The following ZBTB7B variants were observed in gnomAD, a reference collection of about 807,000 sequenced individuals.
ZBTB7B encodes the protein zinc finger and BTB domain-containing protein 7B.
Under a neutral mutation model 31.0 loss-of-function variants are expected in ZBTB7B, and 8 were observed. The ratio of observed to expected loss-of-function variants is 0.26; its 90% CI spans 0.15 to 0.47. The LOEUF is 0.47. ZBTB7B is among the 20% of genes least tolerant of loss of function. ZBTB7B has a pLI of 0.99. For synonymous variants in ZBTB7B, 261 were observed against 307.3 expected, an observed-to-expected ratio of 0.85 and a Z score of 1.58; for missense variants, 494 against 742.4, an observed-to-expected ratio of 0.67 and a Z score of 3.89.
In ZBTB7B at chr1:155,016,786, G is replaced by A. The variant is rs1434700432; in HGVS notation, c.*101G>A. 4.4e-6 allele frequency: 3 copies of A among 684,994 alleles called. No individual in the cohort carries two copies. The African/African-American group carries it at 5.4e-5, about 12-fold the overall frequency. The allele number at this position is 684,994 out of a possible 1,614,324, so 42.4% of individuals were successfully genotyped here. A position where few individuals can be genotyped will look rare whatever the true frequency, so the allele number is the denominator to read the frequency against. On this transcript the variant is annotated 3_prime_UTR_variant, in exon 3 of 3. Coordinates refer to ENST00000535420, the MANE Select transcript of ZBTB7B (RefSeq NM_001256455.2). This position sits in a 1 kb window ranked among gnomAD's most constrained non-coding sequence, Gnocchi z 4.3. ...ACACAGCAGGGGTCTGGGGCACGGA[G>A]CCTTGCTGGCATCAGCATCAGCCCT... is the stretch of plus-strand genomic sequence containing the variant.
In ZBTB7B at chr1:155,017,363, G is replaced by GGCAGTAGAGGGA. The variant is rs879893904; in HGVS notation, c.*678_*679insGCAGTAGAGGGA. On this transcript the variant is annotated 3_prime_UTR_variant, in exon 3 of 3. Transcript: ENST00000535420. ...GCCTGCCCCTGGGGGCAGTAGAGGG[G>GGCAGTAGAGGGA]CCCCGCCCAGCTAGGGGAGCCGCTC... The GGCAGTAGAGGGA allele has an allele frequency of 6.6e-6, 1 of 152,440 alleles. No individual in the cohort carries two copies. The highest frequency in any genetic ancestry group is 2.1e-4 in the South Asian group (1 of 4,840). 9.4% of individuals were successfully genotyped at this position (152,440 alleles called of 1,614,324 possible). A position where few individuals can be genotyped will look rare whatever the true frequency, so the allele number is the denominator to read the frequency against.
At position 155,003,368 on chromosome 1, in the gene ZBTB7B, ACCCCGCGC is replaced by A; in HGVS notation, c.-7+430_-7+437del. ...CTAGGACAACGCGCACCCCCCCCCC[ACCCCGCGC>A]CCCCTGGCGCGGTGGATTGGCCCCA... is the stretch of plus-strand genomic sequence containing the variant. On this transcript the variant is annotated intron_variant, in intron 1 of 2. Coordinates refer to ENST00000535420, the MANE Select transcript of ZBTB7B (RefSeq NM_001256455.2). This position sits in a 1 kb window ranked among gnomAD's most constrained non-coding sequence, Gnocchi z 5.8. Among the ~76,000 whole-genome samples the A allele has an allele frequency of 7.1e-6, 1 of 141,758 alleles. No homozygotes were observed. Among genetic ancestry groups the A allele is most frequent in the East Asian group, 2.2e-4 (1 of 4,606 alleles). The allele number at this position is 141,758 out of a possible 152,430, so 93.0% of individuals were successfully genotyped here. A position where few individuals can be genotyped will look rare whatever the true frequency, so the allele number is the denominator to read the frequency against.
chr1:155,013,689 T>G (rs1571523862), intron 1 of ZBTB7B, among the ~76,000 whole-genome samples: 4 of 77,470 alleles, frequency 5.2e-5, no homozygotes, highest in Admixed American at 1.1e-4. Context: ...GAGGGAGGGG[T>G]GGCAGTAGCT....
rs2102269944 is a variant in ZBTB7B at position 155,004,470 on chromosome 1, G to A, written c.-7+1527G>A. 6.6e-6 allele frequency among the ~76,000 whole-genome samples: 1 copy of A among 152,148 alleles called. No individual in the cohort carries two copies. The highest frequency in any genetic ancestry group is 2.1e-4 in the South Asian group (1 of 4,824). On this transcript the variant is annotated intron_variant, in intron 1 of 2. Coordinates refer to ENST00000535420, the MANE Select transcript of ZBTB7B (RefSeq NM_001256455.2). The surrounding 1 kb of genome is among the most constrained non-coding windows in gnomAD (Gnocchi z 4.0). ...GGGGATGAGGCCTGGAGGATTATGG[G>A]GTTGCCTCCTGCTGCCCCACACACA...
upstream of ZBTB7B, among the ~76,000 whole-genome samples, chr1:155,001,890 G>A (rs1228826739): frequency 6.6e-6 from 1 of 151,832 alleles, no homozygotes; most frequent in Non-Finnish European, 1.5e-5. The surrounding 1 kb of genome is among the most constrained non-coding windows in gnomAD (Gnocchi z 4.8). Context: ...CCGAAGGCCT[G>A]GTGGCTCCCC....
Position 155,005,823 on chromosome 1 carries a change from G to A in ZBTB7B, c.-7+2880G>A, listed in dbSNP as rs912328055. The stretch of plus-strand genomic sequence containing the variant: ...CGTGAGTAAACTTGACGTTTTGCCC[G>A]GACAGTTTGAAGTTGCCTCGCTGCC... On this transcript the variant is annotated intron_variant, in intron 1 of 2. Transcript: ENST00000535420. 5.3e-5 allele frequency among the ~76,000 whole-genome samples: 8 copies of A among 152,172 alleles called. No individual in the cohort carries two copies. The East Asian group carries it at 5.8e-4, about 11-fold the overall frequency.
rs531296563 is a variant in ZBTB7B at position 155,015,550 on chromosome 1, C to T, written c.890C>T (p.Pro297Leu). 1.5e-5 allele frequency: 25 copies of T among 1,613,838 alleles called. 1 individual carries two copies. The African/African-American group carries it at 1.7e-4, about 11-fold the overall frequency. The change falls in exon 2 of 3, where the codon CCG (proline) becomes CTG (leucine). Residue 297 changes from proline (P) to leucine (L), a missense_variant. Pro to Leu is a moderately conservative substitution (Grantham distance 98). Transcript: ENST00000535420. Reference sequence around the variant, plus strand: ...GGGCTGGCGCAGGGTGGCGGGCCCCCGCTGTCCCCAGAGGAGCTGGGCTCA... The same window carrying T: ...GGGCTGGCGCAGGGTGGCGGGCCCCTGCTGTCCCCAGAGGAGCTGGGCTCA... ...AYGLAQGGGP[P>L]LSPEELGSDE...
At chr1:155,008,740 C>T (rs766246355) in intron 1 of ZBTB7B, among the ~76,000 whole-genome samples, 1 of 152,162 alleles carries the variant, frequency 6.6e-6, no homozygotes, top group Non-Finnish European at 1.5e-5. Flanking sequence ...GACTCTGGGC[C>T]CTCTCCCACG....
intron 1 of ZBTB7B, among the ~76,000 whole-genome samples, chr1:155,008,826 G>T (rs994020683): frequency 6.6e-6 from 1 of 152,050 alleles, no homozygotes; most frequent in Non-Finnish European, 1.5e-5. Context: ...AGGCTGTAGG[G>T]GGGAGGGGCT....
rs1270663032 is a variant in ZBTB7B, at chr1:155,003,156, C to T, written c.-7+213C>T. Among the ~76,000 whole-genome samples, 1 of 152,204 alleles carries T rather than the reference C, an allele frequency of 6.6e-6. No individual in the cohort carries two copies. The highest frequency in any genetic ancestry group is 1.9e-4 in the East Asian group (1 of 5,198). On this transcript the variant is annotated intron_variant, in intron 1 of 2. Transcript: ENST00000535420. This position sits in a 1 kb window ranked among gnomAD's most constrained non-coding sequence, Gnocchi z 5.8. Reference sequence around the variant, plus strand: ...AGACAGAGAAGGAACTGCGGATGCCCCCCAACCCTAGGCGGAGGGTCCCCA... The same window carrying T: ...AGACAGAGAAGGAACTGCGGATGCCTCCCAACCCTAGGCGGAGGGTCCCCA...
chr1:155,006,783 TCTC>T lies in ZBTB7B; in HGVS notation c.-7+3846_-7+3848del, dbSNP rs1008472238. On this transcript the variant is annotated intron_variant, in intron 1 of 2. Coordinates refer to ENST00000535420, the MANE Select transcript of ZBTB7B (RefSeq NM_001256455.2). ...CATATGCCCCTTTCAACAGACATCCTCTCCTCCTTCCTTCCTCCTTTCCTCCCC... is the reference window on the plus strand; with the variant it reads ...CATATGCCCCTTTCAACAGACATCCTCTCCTTCCTTCCTCCTTTCCTCCCC... 2.6e-5 allele frequency among the ~76,000 whole-genome samples: 4 copies of T among 150,966 alleles called. No homozygotes were observed. The South Asian group carries it at 6.3e-4, about 24-fold the overall frequency.
chr1:155,001,821 C>T (rs747994992), upstream of ZBTB7B, among the ~76,000 whole-genome samples: 2 of 151,708 alleles, frequency 1.3e-5, no homozygotes, highest in Non-Finnish European at 2.9e-5. The surrounding 1 kb of genome is among the most constrained non-coding windows in gnomAD (Gnocchi z 4.8). Flanking sequence ...GGACGCAGGG[C>T]GCCCGCAGGC....
intron 1 of ZBTB7B, chr1:155,010,922 G>A (rs954807427): frequency 1.3e-6 from 2 of 1,535,730 alleles, no homozygotes; most frequent in African/African-American, 2.7e-5. Flanking sequence ...GCAGGAAGAT[G>A]TTACAGCCTG....
intron 1 of ZBTB7B, among the ~76,000 whole-genome samples, chr1:155,008,211 C>T (rs1040278967): frequency 1.3e-5 from 2 of 152,160 alleles, no homozygotes; most frequent in African/African-American, 4.8e-5. Context: ...ATCCCCCTGG[C>T]TATTGGGGGC....
At chr1:155,014,151 G>T (rs922812012) in intron 1 of ZBTB7B, 3 of 921,798 alleles carry the variant, frequency 3.3e-6, no homozygotes, top group Non-Finnish European at 3.9e-6. Flanking sequence ...TCATTACAAA[G>T]ACTGTTACCT....
intron 1 of ZBTB7B, among the ~76,000 whole-genome samples, chr1:155,009,800 A>G (rs986491171): frequency 1.3e-5 from 2 of 152,106 alleles, no homozygotes; most frequent in African/African-American, 4.8e-5. Context: ...TCCACCCCTC[A>G]TATGCCTGGG....
rs1013586756 is a variant in ZBTB7B, at chr1:155,016,518, G to A, written c.1453G>A (p.Asp485Asn). The stretch of plus-strand genomic sequence containing the variant: ...CGCTGCTGCATCCCCCGCTGGCCTC[G>A]ACCTCTCCAATGGCCACCTGGACAC... ...STAAASPAGLDLSNGHLDTFR... is the reference protein window; with the variant it reads ...STAAASPAGLNLSNGHLDTFR... The change falls in exon 3 of 3, where the codon GAC becomes AAC. Residue 485 changes from aspartate (D) to asparagine (N), a missense_variant. Physicochemically the swap from Asp to Asn is conservative, Grantham distance 23. Around this residue, in one of 5 missense-constraint regions of ZBTB7B, gnomAD observed 101 missense variants for 119.5 expected, o/e 0.85. Coordinates refer to ENST00000535420, the MANE Select transcript of ZBTB7B (RefSeq NM_001256455.2). This position sits in a 1 kb window ranked among gnomAD's most constrained non-coding sequence, Gnocchi z 4.3. The A allele has an allele frequency of 3.1e-6, 5 of 1,613,990 alleles. No homozygotes were observed. Among genetic ancestry groups the A allele is most frequent in the East Asian group, 2.2e-5 (1 of 44,880 alleles).
At chr1:155,011,158 G>C (rs911883895) in intron 1 of ZBTB7B, 9 of 813,420 alleles carry the variant, frequency 1.1e-5, no homozygotes, top group African/African-American at 1.7e-5. Context: ...GTGGGGGAAA[G>C]GGGGGTCAGC....
chr1:155,007,430 C>A (rs1015856062), intron 1 of ZBTB7B, among the ~76,000 whole-genome samples: 13 of 152,230 alleles, frequency 8.5e-5, no homozygotes, highest in African/African-American at 3.1e-4. Flanking sequence ...GACTTTGGTG[C>A]CCAAGCAAAT....
Sources: gnomAD v4.1 joint callset for allele counts (sites outside exome capture counted in the v4.1 genomes callset) on GRCh38, gnomAD v4.1.1 for gene constraint, gnomAD v4.1.1 regional missense constraint, Gnocchi (gnomAD v3.1) non-coding constraint, MANE v1.5 for transcripts, NCBI Gene and HGNC (gene_info 2026-07-23, HGNC 2026-07-21) for gene names.